Variants in KCNH1 observed in about 807,000 individuals in gnomAD.
KCNH1 encodes the protein potassium voltage-gated channel subfamily H member 1.
Under a neutral mutation model 69.2 loss-of-function variants are expected in KCNH1, and 27 were observed. The ratio of observed to expected loss-of-function variants is 0.39; its 90% CI spans 0.29 to 0.54. The LOEUF is 0.54. KCNH1 is among the 20% of genes least tolerant of loss of function. KCNH1 has a pLI of 0.68. For synonymous variants in KCNH1, 456 were observed against 487.7 expected, an observed-to-expected ratio of 0.93 and a Z score of 0.86; for missense variants, 798 against 1,261.6, an observed-to-expected ratio of 0.63 and a Z score of 5.57.
At chr1:211,101,603 A>C (rs1691258713) in intron 3 of KCNH1, among the ~76,000 whole-genome samples, 1 of 152,104 alleles carries the variant, frequency 6.6e-6, no homozygotes, top group Non-Finnish European at 1.5e-5. Context: ...TCCATGGAGG[A>C]CTCAGCAAGC....
In KCNH1 at chr1:211,107,348, T is replaced by A. The variant is rs1459591660; in HGVS notation, c.109A>T (p.Ile37Leu). The A allele has an allele frequency of 6.2e-7, 1 of 1,609,902 alleles. No homozygotes were observed. The highest frequency in any genetic ancestry group is 1.4e-5 in the African/African-American group (1 of 73,456). Reference protein sequence around the residue: ...DTNFVLGNAQIVDWPIVYSND... With the variant: ...DTNFVLGNAQLVDWPIVYSND... ...CTGTACACAATAGGCCAGTCCACTA[T>A]CTGAGCATTCCCCAACACAAAATTA... The change falls in exon 2 of 11, where the codon ATA becomes TTA. Residue 37 changes from isoleucine (I) to leucine (L), a missense_variant. Ile to Leu is a conservative substitution (Grantham distance 5, BLOSUM62 2). Coordinates refer to ENST00000271751, the MANE Select transcript of KCNH1 (RefSeq NM_172362.3).
Position 210,720,139 on chromosome 1 carries a change from G to A in KCNH1, c.2113-36001C>T, listed in dbSNP as rs148933443. On this transcript the variant is annotated intron_variant, in intron 10 of 10. Transcript: ENST00000271751. ...GACAGCAGAATGCAAACTGCTGAAT[G>A]GAGAGAATAGGAGAAAATGGCTTTG... is the stretch of plus-strand genomic sequence containing the variant. Among the ~76,000 whole-genome samples the A allele has an allele frequency of 5.6e-3, 849 of 152,302 alleles. 9 individuals are homozygous for A. The highest frequency in any genetic ancestry group is 0.021 in the South Asian group (101 of 4,826).
At chr1:210,972,632 A>T (rs1391795386) in intron 6 of KCNH1, among the ~76,000 whole-genome samples, 6 of 152,190 alleles carry the variant, frequency 3.9e-5, no homozygotes, top group Admixed American at 6.6e-5. Context: ...TCTCATTGCA[A>T]CAGAAAATGT....
rs191259344 is a variant in KCNH1, at chr1:210,910,234, T to C, written c.1462+9406A>G. 3.5e-3 allele frequency among the ~76,000 whole-genome samples: 498 copies of C among 141,954 alleles called. 4 individuals are homozygous for C. The highest frequency in any genetic ancestry group is 0.013 in the African/African-American group (480 of 37,182). 93.1% of individuals were successfully genotyped at this position (141,954 alleles called of 152,430 possible). On this transcript the variant is annotated intron_variant, in intron 7 of 10. Coordinates refer to ENST00000271751, the MANE Select transcript of KCNH1 (RefSeq NM_172362.3). ...TTACTGAAAAATGTTGCAATCCCTG[T>C]CTTTTGATGCATAGTAAACAGTCAG...
chr1:211,102,648 T>C (rs1691278790), intron 3 of KCNH1, among the ~76,000 whole-genome samples: 2 of 152,070 alleles, frequency 1.3e-5, no homozygotes, highest in Non-Finnish European at 2.9e-5. Context: ...CCCTCCCAGA[T>C]AAAAACAACG....
chr1:210,940,291 A>G (rs1245035842), intron 6 of KCNH1, among the ~76,000 whole-genome samples: 1 of 152,216 alleles, frequency 6.6e-6, no homozygotes, highest in Non-Finnish European at 1.5e-5. Context: ...TGTTGCCTAC[A>G]ATCAGCCACA....
intron 6 of KCNH1, among the ~76,000 whole-genome samples, chr1:210,920,499 C>T (rs1428691594): frequency 6.6e-6 from 1 of 151,920 alleles, no homozygotes; most frequent in Non-Finnish European, 1.5e-5. Flanking sequence ...TTATATTGTG[C>T]ATAAGTATGC....
intron 6 of KCNH1, among the ~76,000 whole-genome samples, chr1:210,952,496 A>G (rs1480909917): frequency 1.3e-5 from 2 of 152,212 alleles, no homozygotes; most frequent in Non-Finnish European, 2.9e-5. Flanking sequence ...AGACAAACCA[A>G]TAATACTTGC....
At chr1:211,115,228 A>G (rs1005767796) in intron 1 of KCNH1, among the ~76,000 whole-genome samples, 1 of 152,166 alleles carries the variant, frequency 6.6e-6, no homozygotes, top group Non-Finnish European at 1.5e-5. Context: ...ACATCAAGTG[A>G]TCCACCGGCC....
chr1:210,994,148 A>G (rs902297389), intron 6 of KCNH1, among the ~76,000 whole-genome samples: 3 of 152,246 alleles, frequency 2.0e-5, no homozygotes, highest in Non-Finnish European at 4.4e-5. Flanking sequence ...ACTTCCATTC[A>G]TGAATAGTTG....
chr1:211,118,866 T>C (rs1256151030), intron 1 of KCNH1, among the ~76,000 whole-genome samples: 2 of 152,228 alleles, frequency 1.3e-5, no homozygotes, highest in Non-Finnish European at 2.9e-5. Context: ...GTTTGGCAAT[T>C]ACGCAGATAA....
chr1:211,019,246 AG>A lies in KCNH1; in HGVS notation c.568del (p.Leu190TrpfsTer36). ...KHSRLAEVLQ[L>X]GSDILPQYKQ... ...GTACTGGGGAAGGATGTCTGAGCCCAGCTGTAGGACCTGTACAGAAAAACAT... is the reference window on the plus strand; with the variant it reads ...GTACTGGGGAAGGATGTCTGAGCCCACTGTAGGACCTGTACAGAAAAACAT... On this transcript the variant is annotated frameshift_variant, in exon 6 of 11. Coordinates refer to ENST00000271751, the MANE Select transcript of KCNH1 (RefSeq NM_172362.3). LOFTEE classifies it high-confidence loss of function. 1 of 1,604,154 alleles carries A rather than the reference AG, an allele frequency of 6.2e-7. No individual in the cohort carries two copies. The highest frequency in any genetic ancestry group is 8.5e-7 in the Non-Finnish European group (1 of 1,177,026).
intron 1 of KCNH1, among the ~76,000 whole-genome samples, chr1:211,123,445 G>A (rs754761421): frequency 2.6e-5 from 4 of 152,192 alleles, no homozygotes; most frequent in Non-Finnish European, 4.4e-5. Context: ...CATTTGAAGG[G>A]AGAACTGGAC....
chr1:210,776,412 C>G (rs768719764), intron 9 of KCNH1, among the ~76,000 whole-genome samples: 43 of 152,230 alleles, frequency 2.8e-4, no homozygotes, highest in Non-Finnish European at 4.0e-4. Context: ...AATGTTTGTG[C>G]CCCTCCCCCA....
chr1:211,133,674 G>C lies in KCNH1; in HGVS notation c.79+193C>G, dbSNP rs143711306. Among the ~76,000 whole-genome samples, 1 of 152,206 alleles carries C rather than the reference G, an allele frequency of 6.6e-6. No homozygotes were observed. Among genetic ancestry groups the C allele is most frequent in the East Asian group, 1.9e-4 (1 of 5,136 alleles). On this transcript the variant is annotated intron_variant, in intron 1 of 10. Coordinates refer to ENST00000271751, the MANE Select transcript of KCNH1 (RefSeq NM_172362.3). The surrounding 1 kb of genome is among the most constrained non-coding windows in gnomAD (Gnocchi z 5.4). The stretch of plus-strand genomic sequence containing the variant: ...CCAGAAGAGCTCTCCTGTTAGGATG[G>C]GGACCCATCAGACCCCGCCCCGCCC...
chr1:210,789,396 C>T (rs981018120), intron 9 of KCNH1, among the ~76,000 whole-genome samples: 1 of 152,154 alleles, frequency 6.6e-6, no homozygotes, highest in African/African-American at 2.4e-5. Context: ...TCTTCATTGC[C>T]TGGCCATCCT....
At chr1:210,860,604 G>T (rs192071831) in intron 7 of KCNH1, 9,072 of 824,138 alleles carry the variant, frequency 0.011, 79 homozygotes, top group Non-Finnish European at 0.013. Context: ...GAATTACATT[G>T]GTAAGGTCAT....
At chr1:210,782,563 T>C (rs907368939) in intron 9 of KCNH1, among the ~76,000 whole-genome samples, 1 of 152,028 alleles carries the variant, frequency 6.6e-6, no homozygotes, top group Non-Finnish European at 1.5e-5. Context: ...CCATCTCTAC[T>C]AAAAATGCAA....
rs1553374041 is a variant in KCNH1 at position 211,045,043 on chromosome 1, T to TATATAGATATATATATAG, written c.559-25788_559-25787insCTATATATATATCTATAT. On this transcript the variant is annotated intron_variant, in intron 5 of 10. Coordinates refer to ENST00000271751, the MANE Select transcript of KCNH1 (RefSeq NM_172362.3). ...CAATGTGTGGATAAATTGTGGGGGA[T>TATATAGATATATATATAG]ATATATATATATATATGAATAATAG... Among the ~76,000 whole-genome samples the TATATAGATATATATATAG allele has an allele frequency of 3.7e-4, 46 of 125,044 alleles. 6 individuals are homozygous for TATATAGATATATATATAG. In the South Asian group the frequency reaches 0.012, roughly 33 times the overall value. 82.0% of individuals were successfully genotyped at this position (125,044 alleles called of 152,430 possible).
Sources: gnomAD v4.1 joint callset for allele counts (sites outside exome capture counted in the v4.1 genomes callset) on GRCh38, gnomAD v4.1.1 for gene constraint, Gnocchi (gnomAD v3.1) non-coding constraint, MANE v1.5 for transcripts, NCBI Gene and HGNC (gene_info 2026-07-23, HGNC 2026-07-21) for gene names.